Variants in ROBO2 observed in about 807,000 individuals in gnomAD.
ROBO2 encodes roundabout guidance receptor 2, also known as roundabout homolog 2.
ROBO2 carries 53 observed loss-of-function variants against 160.8 expected under a neutral mutation model. That is an observed-to-expected ratio of 0.33 (90% CI 0.26 to 0.41). ROBO2 has a LOEUF of 0.41. Among genes scored for constraint, ROBO2 ranks in the 10% least tolerant of loss-of-function variants. The pLI is 1.00. For missense variants in ROBO2, 1,577 were observed against 1,722.4 expected (o/e 0.92, Z 1.49); for synonymous variants, 664 against 611.7 (o/e 1.09, Z -1.26).
At chr3:76,023,815 G>A (rs529615183) in intron 2 of ROBO2, among the ~76,000 whole-genome samples, 40 of 151,540 alleles carry the variant, frequency 2.6e-4, no homozygotes, top group Admixed American at 2.6e-3. Flanking sequence ...AGGCAGGCTG[G>A]CCACAAACCT....
chr3:77,344,446 C>T lies in ROBO2; in HGVS notation c.389-132968C>T, dbSNP rs186546671. On this transcript the variant is annotated intron_variant, in intron 2 of 25. Transcript: ENST00000461745. The stretch of plus-strand genomic sequence containing the variant: ...GTGATTAGGCCATGAGGGCAGAGCC[C>T]TCATGAATGGGATTAGTGTCCTTAT... 6.7e-4 allele frequency among the ~76,000 whole-genome samples: 102 copies of T among 152,164 alleles called. 1 individual carries two copies. The highest frequency in any genetic ancestry group is 1.6e-3 in the Admixed American group (24 of 15,266).
intron 2 of ROBO2, among the ~76,000 whole-genome samples, chr3:76,422,016 G>T (rs575675028): frequency 2.0e-5 from 3 of 152,044 alleles, no homozygotes; most frequent in Non-Finnish European, 2.9e-5. Flanking sequence ...ACTGTAAATC[G>T]TAGGTTCTTA....
intron 2 of ROBO2, among the ~76,000 whole-genome samples, chr3:76,768,186 T>G (rs1221369171): frequency 6.6e-6 from 1 of 151,474 alleles, no homozygotes; most frequent in African/African-American, 2.4e-5. Flanking sequence ...AATTTAACCT[T>G]AGTAATTTAA....
chr3:77,405,753 C>T (rs1011375084), intron 2 of ROBO2, among the ~76,000 whole-genome samples: 2 of 152,016 alleles, frequency 1.3e-5, no homozygotes, highest in African/African-American at 4.8e-5. Flanking sequence ...GGAAAAACCA[C>T]AAACAATGAT....
At chr3:77,358,746 A>G (rs148975224) in intron 2 of ROBO2, among the ~76,000 whole-genome samples, 15 of 152,330 alleles carry the variant, frequency 9.8e-5, no homozygotes, top group Non-Finnish European at 2.2e-4. Flanking sequence ...ATGTATTTAG[A>G]AAGAGATTTT....
At chr3:76,430,754 G>C (rs1180856001) in intron 2 of ROBO2, among the ~76,000 whole-genome samples, 2 of 151,878 alleles carry the variant, frequency 1.3e-5, no homozygotes, top group Non-Finnish European at 2.9e-5. Context: ...GTTTAACTCA[G>C]TACTTAAGAT....
intron 2 of ROBO2, among the ~76,000 whole-genome samples, chr3:76,088,949 GAAGA>G (rs2069122196): frequency 6.6e-6 from 1 of 151,928 alleles, no homozygotes; most frequent in Non-Finnish European, 1.5e-5. Context: ...GATCGGAGTG[GAAGA>G]GAGAGAGAAT....
At position 76,655,439 on chromosome 3, in the gene ROBO2, C is replaced by CATATACATATATATATATATATATATAT. The variant is rs1553854507; in HGVS notation, c.110-442570_110-442569insCATATATATATATATATATATATATATA. Among the ~76,000 whole-genome samples the CATATACATATATATATATATATATATAT allele has an allele frequency of 7.6e-3, 436 of 57,734 alleles. 27 individuals are homozygous for CATATACATATATATATATATATATATAT. Among genetic ancestry groups the CATATACATATATATATATATATATATAT allele is most frequent in the South Asian group, 0.02 (17 of 860 alleles). The allele number at this position is 57,734 out of a possible 152,430, so 37.9% of individuals were successfully genotyped here. ...GTGTTTCTGTGTATGGATTTTTTTC[C>CATATACATATATATATATATATATATAT]ATATATATATATATATGGATTTTTT... is the stretch of plus-strand genomic sequence containing the variant. On this transcript the variant is annotated intron_variant, in intron 2 of 26. Coordinates refer to the ROBO2 transcript ENST00000487694.
At chr3:76,665,993 A>T (rs1302365273) in intron 2 of ROBO2, among the ~76,000 whole-genome samples, 1 of 122,622 alleles carries the variant, frequency 8.2e-6, no homozygotes, top group Non-Finnish European at 1.8e-5. Flanking sequence ...CATGTAATAT[A>T]TATAATATAT....
intron 2 of ROBO2, among the ~76,000 whole-genome samples, chr3:77,015,741 T>G (rs1245967839): frequency 6.6e-6 from 1 of 152,136 alleles, no homozygotes; most frequent in Non-Finnish European, 1.5e-5. Context: ...ATTGCTGGGT[T>G]CTCCAGCATC....
intron 2 of ROBO2, among the ~76,000 whole-genome samples, chr3:76,041,828 C>T (rs1266976236): frequency 1.3e-5 from 2 of 151,730 alleles, no homozygotes; most frequent in African/African-American, 2.4e-5. Context: ...GAAATAAAGA[C>T]GGCTATGATT....
At chr3:75,945,006 C>T (rs1948218039) in intron 2 of ROBO2, among the ~76,000 whole-genome samples, 1 of 152,084 alleles carries the variant, frequency 6.6e-6, no homozygotes, top group Non-Finnish European at 1.5e-5. Flanking sequence ...TAATATTTCT[C>T]AAACTGCACT....
At chr3:76,307,086 A>T (rs1373652861) in intron 2 of ROBO2, among the ~76,000 whole-genome samples, 3 of 152,142 alleles carry the variant, frequency 2.0e-5, no homozygotes, top group African/African-American at 4.8e-5. Context: ...GCTGCTACTC[A>T]TCTATAGGTT....
chr3:76,008,126 C>T (rs1296309996), intron 2 of ROBO2, among the ~76,000 whole-genome samples: 1 of 149,020 alleles, frequency 6.7e-6, no homozygotes, highest in Non-Finnish European at 1.5e-5. Flanking sequence ...CACAACTACT[C>T]TGGGAGGCTG....
At chr3:77,606,869 G>T (rs1394862332) in intron 20 of ROBO2, among the ~76,000 whole-genome samples, 1 of 152,164 alleles carries the variant, frequency 6.6e-6, no homozygotes, top group East Asian at 1.9e-4. Flanking sequence ...AGCCACAGAA[G>T]TTATATAGTG....
intron 2 of ROBO2, among the ~76,000 whole-genome samples, chr3:76,950,666 A>G (rs986323447): frequency 2.6e-5 from 4 of 152,074 alleles, no homozygotes; most frequent in African/African-American, 7.2e-5. Flanking sequence ...CAGCTGTCTG[A>G]CTACATCCTC....
chr3:76,812,909 ATTTTTT>A (rs71104626), intron 2 of ROBO2, among the ~76,000 whole-genome samples: 2 of 104,656 alleles, frequency 1.9e-5, no homozygotes, highest in African/African-American at 3.6e-5. Flanking sequence ...AGAAGTATAA[ATTTTTT>A]TTTTTTTTTT....
At chr3:76,988,039 T>C (rs2060478975) in intron 2 of ROBO2, among the ~76,000 whole-genome samples, 1 of 152,206 alleles carries the variant, frequency 6.6e-6, no homozygotes, top group Non-Finnish European at 1.5e-5. Flanking sequence ...AAGCTAACTT[T>C]ATTTGGTAAT....
intron 2 of ROBO2, among the ~76,000 whole-genome samples, chr3:76,848,983 A>T (rs2148520354): frequency 6.6e-6 from 1 of 152,338 alleles, no homozygotes. Context: ...CAATACAAAT[A>T]AAATAAAGAA....
Sources: gnomAD v4.1 joint callset for allele counts (sites outside exome capture counted in the v4.1 genomes callset) on GRCh38, gnomAD v4.1.1 for gene constraint, MANE v1.5 for transcripts, NCBI Gene and HGNC (gene_info 2026-07-23, HGNC 2026-07-21) for gene names.